The following ETS1 variants were observed in gnomAD, a reference collection of about 807,000 sequenced individuals.
ETS1 encodes protein C-ets-1.
A neutral mutation model predicts 58.6 loss-of-function variants in ETS1; 15 were observed. The observed-to-expected ratio is 0.26, with a 90% CI of 0.17 to 0.39. ETS1 has a LOEUF of 0.39. Ranked by LOEUF, ETS1 falls within the 10% of genes least tolerant of loss-of-function variation. The pLI is 1.00. For missense variants in ETS1, 417 were observed against 610.5 expected (o/e 0.68, Z 3.34); for synonymous variants, 214 against 218.2 (o/e 0.98, Z 0.17).
intron 8 of ETS1, among the ~76,000 whole-genome samples, chr11:128,478,326 GGAAGGAAGGAA>G (rs1379702862): frequency 2.1e-5 from 2 of 96,352 alleles, no homozygotes; most frequent in East Asian, 6.2e-4. Flanking sequence ...AAGGAAAGAA[GGAAGGAAGGAA>G]GGAGGAAGGA....
chr11:128,467,633 G>A (rs529307212), intron 8 of ETS1, among the ~76,000 whole-genome samples: 6 of 152,110 alleles, frequency 3.9e-5, no homozygotes, highest in East Asian at 1.9e-4. Flanking sequence ...AGCAGAAAAC[G>A]GTACTAATAA....
chr11:128,561,425 AT>A (rs1565410686), intron 2 of ETS1, among the ~76,000 whole-genome samples: 1 of 152,174 alleles, frequency 6.6e-6, no homozygotes, highest in African/African-American at 2.4e-5. Flanking sequence ...TAAAATTTTG[AT>A]TTTTTTCATA....
At chr11:128,511,882 C>T (rs1007683374) in intron 3 of ETS1, among the ~76,000 whole-genome samples, 2 of 152,180 alleles carry the variant, frequency 1.3e-5, no homozygotes, top group African/African-American at 4.8e-5. Flanking sequence ...AACTTGGCAT[C>T]GGTGCACTGC....
intron 7 of ETS1, among the ~76,000 whole-genome samples, chr11:128,483,489 C>T (rs1314156732): frequency 6.6e-6 from 1 of 152,184 alleles, no homozygotes; most frequent in East Asian, 1.9e-4. Flanking sequence ...CATGTACACA[C>T]ACTTGTGTGT....
At chr11:128,531,573 T>C (rs1863898203) in intron 3 of ETS1, among the ~76,000 whole-genome samples, 1 of 152,188 alleles carries the variant, frequency 6.6e-6, no homozygotes, top group Admixed American at 6.5e-5. Flanking sequence ...ATGCAAATCA[T>C]GCAAATCCTT....
intron 3 of ETS1, chr11:128,522,320 C>T (rs1423124375): frequency 9.5e-7 from 1 of 1,050,582 alleles, no homozygotes; most frequent in East Asian, 7.6e-5. Context: ...CCCGGCCGCT[C>T]TCCCTCCCTC....
At chr11:128,521,938 G>C (rs1239137510) in intron 3 of ETS1, 1 of 1,607,044 alleles carries the variant, frequency 6.2e-7, no homozygotes, top group Non-Finnish European at 8.5e-7. Flanking sequence ...GCTCCAGATC[G>C]ACTTTTTCCG....
intron 3 of ETS1, among the ~76,000 whole-genome samples, chr11:128,511,141 T>C (rs1863383233): frequency 6.6e-6 from 1 of 152,174 alleles, no homozygotes; most frequent in African/African-American, 2.4e-5. Context: ...TTTCATTGTG[T>C]TTTGTGTTTC....
intron 8 of ETS1, among the ~76,000 whole-genome samples, chr11:128,473,011 G>T (rs1862227691): frequency 6.6e-6 from 1 of 151,946 alleles, no homozygotes; most frequent in Admixed American, 6.6e-5. Flanking sequence ...GTAACATTGG[G>T]CTAGACCTCC....
chr11:128,502,335 G>A (rs766558664), intron 3 of ETS1, among the ~76,000 whole-genome samples: 5 of 152,214 alleles, frequency 3.3e-5, no homozygotes, highest in African/African-American at 4.8e-5. Flanking sequence ...AGGGAGAGAT[G>A]AGAAAAGTAA....
chr11:128,531,604 A>C (rs1213020407), intron 3 of ETS1, among the ~76,000 whole-genome samples: 1 of 152,228 alleles, frequency 6.6e-6, no homozygotes, highest in Non-Finnish European at 1.5e-5. Context: ...CTCTTGGATG[A>C]AAGGGGATTA....
chr11:128,538,915 A>G (rs1056476665), intron 3 of ETS1, among the ~76,000 whole-genome samples: 2 of 152,240 alleles, frequency 1.3e-5, no homozygotes, highest in African/African-American at 4.8e-5. Flanking sequence ...TAGGTGACAT[A>G]TGTATTTAAA....
intron 3 of ETS1, among the ~76,000 whole-genome samples, chr11:128,504,158 C>A (rs1373440175): frequency 6.6e-6 from 1 of 152,204 alleles, no homozygotes; most frequent in African/African-American, 2.4e-5. Context: ...GCTCCCTAAA[C>A]CATTACGCTC....
chr11:128,496,647 G>A (rs150851266), intron 3 of ETS1, among the ~76,000 whole-genome samples: 2 of 152,286 alleles, frequency 1.3e-5, no homozygotes, highest in African/African-American at 2.4e-5. Context: ...AAAAGCTAAT[G>A]ATCTCAGAAG....
At chr11:128,573,235 A>T (rs1864674967) in intron 1 of ETS1, 91 bp from the exon 2 acceptor site, 1 of 919,204 alleles carries the variant, frequency 1.1e-6, no homozygotes, top group South Asian at 1.5e-5. Context: ...TAGAACTAAA[A>T]GTCTCCTTAG....
rs1861860920 is a variant in ETS1, at chr11:128,459,956, C to A, written c.*2405G>T. 6.6e-6 allele frequency: 1 copy of A among 152,326 alleles called. No individual in the cohort carries two copies. Among genetic ancestry groups the A allele is most frequent in the African/African-American group, 2.4e-5 (1 of 41,420 alleles). The allele number at this position is 152,326 out of a possible 1,614,324, so 9.4% of individuals were successfully genotyped here. A position where few individuals can be genotyped will look rare whatever the true frequency, so the allele number is the denominator to read the frequency against. On this transcript the variant is annotated 3_prime_UTR_variant, in exon 10 of 10. Transcript: ENST00000392668. ...AAGTGATTTTATGCCTGGTTGCAAA[C>A]AGCAAGCAATAATTGATACCCGGCC...
chr11:128,562,656 T>C (rs750687151), intron 2 of ETS1, among the ~76,000 whole-genome samples: 9 of 152,202 alleles, frequency 5.9e-5, no homozygotes, highest in Non-Finnish European at 1.2e-4. Flanking sequence ...TGGAAACTAG[T>C]TGGACAATGG....
At chr11:128,517,880 C>CA (rs1426377816) in intron 3 of ETS1, among the ~76,000 whole-genome samples, 1 of 152,044 alleles carries the variant, frequency 6.6e-6, no homozygotes, top group Non-Finnish European at 1.5e-5. Context: ...GTTACACAGA[C>CA]AAAAAAACAG....
intron 3 of ETS1, among the ~76,000 whole-genome samples, chr11:128,493,001 G>T (rs1862843548): frequency 6.6e-6 from 1 of 152,146 alleles, no homozygotes; most frequent in Non-Finnish European, 1.5e-5. Flanking sequence ...AACTGTGTGG[G>T]TTTTGTTGTG....
Sources: allele counts gnomAD v4.1 joint callset (sites outside exome capture counted in the v4.1 genomes callset), GRCh38; gene constraint gnomAD v4.1.1; transcripts MANE v1.5; gene names NCBI Gene and HGNC (gene_info 2026-07-23, HGNC 2026-07-21).